Variants in TTC13 observed in about 807,000 individuals in gnomAD.
TTC13 encodes the protein tetratricopeptide repeat protein 13.
TTC13 carries 62 observed loss-of-function variants against 120.0 expected under a neutral mutation model. The observed-to-expected ratio is 0.52, with a 90% CI of 0.42 to 0.64. The LOEUF is 0.64. Ranked by LOEUF, TTC13 falls within the 30% of genes least tolerant of loss-of-function variation. The pLI is 0.00. For missense variants in TTC13, 824 were observed against 1,050.2 expected (o/e 0.78, Z 2.98); for synonymous variants, 384 against 393.5 (o/e 0.98, Z 0.28).
At chr1:230,963,917 A>G (rs1368949879) in intron 1 of TTC13, among the ~76,000 whole-genome samples, 1 of 152,194 alleles carries the variant, frequency 6.6e-6, no homozygotes, top group Non-Finnish European at 1.5e-5. Context: ...TAGTCCCACA[A>G]AAATGAAGAT....
intron 1 of TTC13, among the ~76,000 whole-genome samples, chr1:230,961,925 C>A (rs1676674125): frequency 6.6e-6 from 1 of 151,740 alleles, no homozygotes; most frequent in Admixed American, 6.6e-5. Context: ...AAAGATACAC[C>A]CTAGGCCAGG....
Position 230,978,777 on chromosome 1 carries a change from G to C in TTC13, c.54C>G (p.Ala18=), listed in dbSNP as rs1678664362. 1 of 1,497,946 alleles carries C rather than the reference G, an allele frequency of 6.7e-7. No individual in the cohort carries two copies. Among genetic ancestry groups the C allele is most frequent in the East Asian group, 2.7e-5 (1 of 36,826 alleles). 92.8% of individuals were successfully genotyped at this position (1,497,946 alleles called of 1,614,324 possible). ...GGACACGCCGGGCGGCGCCCGCGGC[G>C]GCCACAGCGCCGCCCCAGAAGCAGC... The part of the protein sequence containing the change: ...CCCCFWGGAV[A]AAGAARRVLL... Residue 18 remains alanine (A), a synonymous_variant, in exon 1 of 23, where the codon GCC becomes GCG. Transcript: ENST00000366661. The surrounding 1 kb of genome is among the most constrained non-coding windows in gnomAD (Gnocchi z 5.6).
chr1:230,955,379 A>C (rs908323758), intron 3 of TTC13, among the ~76,000 whole-genome samples: 1 of 152,150 alleles, frequency 6.6e-6, no homozygotes, highest in African/African-American at 2.4e-5. Flanking sequence ...AGCAGTAAAA[A>C]TAGGCCAGGC....
chr1:230,916,700 C>T (rs933225556), intron 17 of TTC13, among the ~76,000 whole-genome samples: 28 of 152,212 alleles, frequency 1.8e-4, no homozygotes, highest in African/African-American at 6.3e-4. Flanking sequence ...TATGCTCATA[C>T]TAGTGCTCAA....
intron 3 of TTC13, among the ~76,000 whole-genome samples, chr1:230,955,802 G>A (rs1430860443): frequency 1.3e-5 from 2 of 151,996 alleles, no homozygotes; most frequent in African/African-American, 2.4e-5. Flanking sequence ...CACTTCTGGG[G>A]GCATTCTTCA....
intron 15 of TTC13, among the ~76,000 whole-genome samples, chr1:230,923,392 A>G (rs1270887365): frequency 6.6e-6 from 1 of 152,088 alleles, no homozygotes; most frequent in African/African-American, 2.4e-5. Flanking sequence ...AGTGTTATTT[A>G]TCTAAGCCCT....
chr1:230,963,149 C>T (rs956328638), intron 1 of TTC13, among the ~76,000 whole-genome samples: 2 of 152,110 alleles, frequency 1.3e-5, no homozygotes, highest in African/African-American at 4.8e-5. Context: ...GTTCAAGGAA[C>T]CATCTGAGGG....
chr1:230,951,309 C>A (rs771767810), intron 4 of TTC13, among the ~76,000 whole-genome samples: 1 of 152,014 alleles, frequency 6.6e-6, no homozygotes, highest in Non-Finnish European at 1.5e-5. Context: ...CCATTTGTTG[C>A]CTGCTTCTAT....
chr1:230,957,319 A>T (rs1232199287), intron 3 of TTC13, among the ~76,000 whole-genome samples: 1 of 152,168 alleles, frequency 6.6e-6, no homozygotes, highest in Non-Finnish European at 1.5e-5. Flanking sequence ...GTGCACCTGT[A>T]ATCCTACCTA....
chr1:230,930,982 G>A (rs1673496925), intron 11 of TTC13, among the ~76,000 whole-genome samples: 1 of 152,168 alleles, frequency 6.6e-6, no homozygotes, highest in African/African-American at 2.4e-5. Context: ...CTGTATTCTT[G>A]GATGAGATGT....
chr1:230,951,261 A>G (rs1009849055), intron 4 of TTC13, among the ~76,000 whole-genome samples: 12 of 152,186 alleles, frequency 7.9e-5, no homozygotes, highest in Admixed American at 7.9e-4. Flanking sequence ...TGAGCTTATC[A>G]AAACAGTGAT....
At chr1:230,943,933 G>A (rs372352265) in intron 5 of TTC13, 35 bp from the exon 6 acceptor site, 42 of 1,481,750 alleles carry the variant, frequency 2.8e-5, no homozygotes, top group Non-Finnish European at 3.9e-5. Flanking sequence ...GAGACATACT[G>A]TTACTCAAAA....
chr1:230,919,558 T>TA (rs1672376769), intron 17 of TTC13, among the ~76,000 whole-genome samples: 1 of 152,228 alleles, frequency 6.6e-6, no homozygotes, highest in Non-Finnish European at 1.5e-5. Context: ...CTCTAGTAAT[T>TA]AAAGAGTATA....
At chr1:230,934,006 G>A (rs1017185729) in intron 8 of TTC13, 145 bp from the exon 9 acceptor site, 4 of 489,064 alleles carry the variant, frequency 8.2e-6, no homozygotes, top group Non-Finnish European at 1.4e-5. Flanking sequence ...GGCAGAAAAT[G>A]CAATAAACTA....
chr1:230,928,894 T>C (rs748767028), intron 12 of TTC13, 43 bp downstream of exon 12: 1 of 1,608,142 alleles, frequency 6.2e-7, no homozygotes, highest in Admixed American at 1.7e-5. Context: ...ATAGCTCAGT[T>C]TTGAGAAAGG....
chr1:230,956,057 G>A (rs1676054627), intron 3 of TTC13, among the ~76,000 whole-genome samples: 1 of 152,198 alleles, frequency 6.6e-6, no homozygotes, highest in Non-Finnish European at 1.5e-5. Context: ...TCCTTTACCA[G>A]TATTAACTCA....
At chr1:230,972,297 T>G (rs766016591) in intron 1 of TTC13, among the ~76,000 whole-genome samples, 2 of 152,370 alleles carry the variant, frequency 1.3e-5, no homozygotes, top group East Asian at 3.9e-4. Context: ...TCTTTCTGAT[T>G]ACATCAGTTG....
At chr1:230,962,364 C>T (rs1340135169) in intron 1 of TTC13, among the ~76,000 whole-genome samples, 1 of 152,138 alleles carries the variant, frequency 6.6e-6, no homozygotes, top group African/African-American at 2.4e-5. Flanking sequence ...TTACTAATTA[C>T]TACTTAGGGA....
At position 230,922,666 on chromosome 1, in the gene TTC13, C is replaced by G. The variant is rs145419192; in HGVS notation, c.1815-1162G>C. ...CTCATCCATGGGTCCAAGTTAATCA[C>G]CCCACCTCTCTCTGTTTTCCATTTT... On this transcript the variant is annotated intron_variant, in intron 15 of 22. Transcript: ENST00000366661. Among the ~76,000 whole-genome samples the G allele has an allele frequency of 1.3e-3, 193 of 152,338 alleles. 1 individual carries two copies. Among genetic ancestry groups the G allele is most frequent in the African/African-American group, 4.5e-3 (189 of 41,566 alleles).
Sources: allele counts gnomAD v4.1 joint callset (sites outside exome capture counted in the v4.1 genomes callset), GRCh38; gene constraint gnomAD v4.1.1; non-coding constraint Gnocchi (gnomAD v3.1); transcripts MANE v1.5; gene names NCBI Gene and HGNC (gene_info 2026-07-23, HGNC 2026-07-21).